Variants in UBE2E2 observed in about 807,000 individuals in gnomAD.
UBE2E2 encodes ubiquitin-conjugating enzyme E2 E2.
UBE2E2 carries 6 observed loss-of-function variants against 24.7 expected under a neutral mutation model. The observed-to-expected ratio is 0.24, with a 90% CI of 0.13 to 0.48. The LOEUF (loss-of-function observed/expected upper bound fraction) is 0.48, where lower values mean the gene tolerates loss of function less well. Among genes scored for constraint, UBE2E2 ranks in the 20% least tolerant of loss-of-function variants. UBE2E2 has a pLI of 0.99. For synonymous variants in UBE2E2, 104 were observed against 83.6 expected, an observed-to-expected ratio of 1.24 and a Z score of -1.33; for missense variants, 169 against 245.0, an observed-to-expected ratio of 0.69 and a Z score of 2.07.
chr3:23,278,271 T>G (rs1698413711), intron 3 of UBE2E2, among the ~76,000 whole-genome samples: 1 of 152,162 alleles, frequency 6.6e-6, no homozygotes, highest in African/African-American at 2.4e-5. Flanking sequence ...ACTTAAGATT[T>G]CTAATTTAAT....
intron 2 of UBE2E2, among the ~76,000 whole-genome samples, chr3:23,215,479 A>T (rs1696451791): frequency 6.6e-6 from 1 of 152,032 alleles, no homozygotes; most frequent in Admixed American, 6.6e-5. Context: ...ATACTTAATT[A>T]AAGTTATTTT....
intron 3 of UBE2E2, among the ~76,000 whole-genome samples, chr3:23,333,642 G>T (rs1209387736): frequency 6.6e-6 from 1 of 152,046 alleles, no homozygotes; most frequent in African/African-American, 2.4e-5. Flanking sequence ...AATGATGAAT[G>T]ACAGTGTTAA....
chr3:23,543,804 C>T (rs1270842724), intron 5 of UBE2E2, among the ~76,000 whole-genome samples: 1 of 152,170 alleles, frequency 6.6e-6, no homozygotes, highest in East Asian at 1.9e-4. Flanking sequence ...CATTATGTTA[C>T]TTGATTTCAA....
intron 3 of UBE2E2, among the ~76,000 whole-genome samples, chr3:23,471,358 A>G (rs989144778): frequency 5.3e-5 from 8 of 152,244 alleles, no homozygotes. Context: ...AAAGCTAAGT[A>G]TCCTTATAAA....
At position 23,510,083 on chromosome 3, in the gene UBE2E2, G is replaced by A. The variant is rs554811317; in HGVS notation, c.360+10343G>A. Reference sequence around the variant, plus strand: ...GAGTTGGAGCAGGATCTCTCCGTAAGGTAGCAGCCTCTTAGAGATTTGTTC... The same window carrying A: ...GAGTTGGAGCAGGATCTCTCCGTAAAGTAGCAGCCTCTTAGAGATTTGTTC... On this transcript the variant is annotated intron_variant, in intron 4 of 5. Transcript: ENST00000396703. Among the ~76,000 whole-genome samples the A allele has an allele frequency of 1.6e-3, 237 of 152,210 alleles. 2 individuals carry two copies. The highest frequency in any genetic ancestry group is 3.2e-3 in the Non-Finnish European group (217 of 68,010).
Position 23,407,871 on chromosome 3 carries a change from A to G in UBE2E2, c.228-91737A>G, listed in dbSNP as rs1453007056. On this transcript the variant is annotated intron_variant, in intron 3 of 5. Transcript: ENST00000396703. The surrounding 1 kb of genome is among the most constrained non-coding windows in gnomAD (Gnocchi z 4.0). ...TTTCCCAAAGATTTCTGATTCTGTA[A>G]TAGTCCTGTTTCAGTAATTCTTAAT... is the stretch of plus-strand genomic sequence containing the variant. Among the ~76,000 whole-genome samples, 2 of 151,992 alleles carry G rather than the reference A, an allele frequency of 1.3e-5. No homozygotes were observed. Among genetic ancestry groups the G allele is most frequent in the African/African-American group, 4.8e-5 (2 of 41,372 alleles).
intron 3 of UBE2E2, among the ~76,000 whole-genome samples, chr3:23,453,613 A>G (rs976383174): frequency 2.0e-5 from 3 of 152,184 alleles, no homozygotes; most frequent in African/African-American, 7.2e-5. Flanking sequence ...CCCTTTTTAT[A>G]TATTTCTGAA....
chr3:23,289,920 A>G (rs979653712), intron 3 of UBE2E2, among the ~76,000 whole-genome samples: 1 of 152,224 alleles, frequency 6.6e-6, no homozygotes, highest in African/African-American at 2.4e-5. Context: ...AAAAAATATG[A>G]CCATACTTTT....
At chr3:23,271,829 A>G (rs1188840242) in intron 3 of UBE2E2, among the ~76,000 whole-genome samples, 3 of 152,156 alleles carry the variant, frequency 2.0e-5, no homozygotes, top group Admixed American at 6.5e-5. Context: ...CCACCAGATT[A>G]GCTAGATACA....
chr3:23,208,948 T>G, intron 2 of UBE2E2, 73 bp downstream of exon 2: 1 of 1,406,186 alleles, frequency 7.1e-7, no homozygotes, highest in South Asian at 1.6e-5. Context: ...TCTCTTGCAT[T>G]TAATCATTTT....
intron 4 of UBE2E2, among the ~76,000 whole-genome samples, chr3:23,505,781 T>C (rs1694439533): frequency 6.6e-6 from 1 of 152,248 alleles, no homozygotes; most frequent in Non-Finnish European, 1.5e-5. Context: ...TAATGTCAGC[T>C]AATGCGGAAG....
At chr3:23,557,691 A>T (rs1695824857) in intron 5 of UBE2E2, among the ~76,000 whole-genome samples, 1 of 152,192 alleles carries the variant, frequency 6.6e-6, no homozygotes, top group Non-Finnish European at 1.5e-5. Flanking sequence ...GACATATTGG[A>T]GACCCTGCTG....
intron 3 of UBE2E2, among the ~76,000 whole-genome samples, chr3:23,363,839 T>C (rs539733317): frequency 2.0e-5 from 3 of 151,646 alleles, no homozygotes; most frequent in Non-Finnish European, 4.4e-5. Flanking sequence ...CAACAAGATA[T>C]ACATTCTTCT....
chr3:23,487,617 G>A (rs150268648), intron 3 of UBE2E2, among the ~76,000 whole-genome samples: 108 of 152,264 alleles, frequency 7.1e-4, no homozygotes, highest in African/African-American at 2.5e-3. Context: ...TTCATTTGAT[G>A]CTCACATCAA....
chr3:23,578,009 G>GA (rs58612058), intron 5 of UBE2E2, among the ~76,000 whole-genome samples: 37,263 of 103,060 alleles, frequency 0.36, 6,096 homozygotes, highest in African/African-American at 0.53. Context: ...CTACCTCTCA[G>GA]AAAAAAAAAA....
chr3:23,418,623 G>A (rs1024564829), intron 3 of UBE2E2, among the ~76,000 whole-genome samples: 5 of 152,208 alleles, frequency 3.3e-5, no homozygotes, highest in African/African-American at 1.2e-4. Context: ...ATAGTAACCA[G>A]AGATGTTTTG....
intron 5 of UBE2E2, chr3:23,534,054 C>G (rs1695195194): frequency 3.2e-6 from 1 of 307,796 alleles, no homozygotes; most frequent in South Asian, 1.3e-4. Context: ...CCTGTTGTTC[C>G]CATTTTAATC....
chr3:23,565,013 G>A (rs1197064907), intron 5 of UBE2E2, among the ~76,000 whole-genome samples: 4 of 152,038 alleles, frequency 2.6e-5, no homozygotes, highest in East Asian at 1.9e-4. Flanking sequence ...AGTGGGTGGC[G>A]GCTTTCAGCT....
chr3:23,262,655 G>A (rs1697935150), intron 3 of UBE2E2, among the ~76,000 whole-genome samples: 4 of 151,646 alleles, frequency 2.6e-5, no homozygotes, highest in Admixed American at 2.6e-4. Context: ...ATATATTTTG[G>A]GTATTAAGCC....
Sources: allele counts gnomAD v4.1 joint callset (sites outside exome capture counted in the v4.1 genomes callset), GRCh38; gene constraint gnomAD v4.1.1; non-coding constraint Gnocchi (gnomAD v3.1); transcripts MANE v1.5; gene names NCBI Gene and HGNC (gene_info 2026-07-23, HGNC 2026-07-21).